The following AMD1 variants were observed in gnomAD, a reference collection of about 807,000 sequenced individuals.
AMD1 encodes S-adenosylmethionine decarboxylase proenzyme.
A neutral mutation model predicts 40.2 loss-of-function variants in AMD1; 11 were observed. The ratio of observed to expected loss-of-function variants is 0.27; its 90% confidence interval spans 0.17 to 0.45. The LOEUF (loss-of-function observed/expected upper bound fraction) is 0.45. AMD1 is among the 20% of genes least tolerant of loss of function. The pLI is 1.00. For missense variants in AMD1, 257 were observed against 410.2 expected, an observed-to-expected ratio of 0.63 and a Z score of 3.23; for synonymous variants, 121 against 130.8, an observed-to-expected ratio of 0.93 and a Z score of 0.51.
At chr6:110,828,259 C>T in the AMD1 span, among the ~76,000 whole-genome samples, 4 of 152,012 alleles carry the variant, frequency 2.6e-5, no homozygotes, top group South Asian at 2.1e-4. Context: ...GGCGAAACCC[C>T]GTCTCTGCTA....
Position 110,875,000 on chromosome 6 carries a change from T to C in AMD1, c.-106T>C, listed in dbSNP as rs1785018857. On this transcript the variant is annotated 5_prime_UTR_variant, in exon 1 of 9. Transcript: ENST00000368885. ...CAAAAAAAAAAAGGAACCTGAACTT[T>C]AGTAACACAGCTGGAACAATCCGCA... is the stretch of plus-strand genomic sequence containing the variant. 2.6e-6 allele frequency: 2 copies of C among 780,934 alleles called. No individual in the cohort carries two copies. The highest frequency in any genetic ancestry group is 5.7e-5 in the East Asian group (2 of 35,086). 48.4% of individuals were successfully genotyped at this position (780,934 alleles called of 1,614,324 possible).
At chr6:110,866,870 A>T in the AMD1 span, among the ~76,000 whole-genome samples, 15 of 151,452 alleles carry the variant, frequency 9.9e-5, no homozygotes, top group African/African-American at 3.6e-4. Flanking sequence ...CTGGAGTGCA[A>T]TGGCGCAATC....
At chr6:110,823,012 G>A in the AMD1 span, among the ~76,000 whole-genome samples, 2 of 152,168 alleles carry the variant, frequency 1.3e-5, no homozygotes, top group Non-Finnish European at 2.9e-5. Context: ...GTACTCAGGA[G>A]GCTGAGGCAG....
At chr6:110,846,690 T>C in the AMD1 span, among the ~76,000 whole-genome samples, 2 of 151,954 alleles carry the variant, frequency 1.3e-5, no homozygotes, top group Non-Finnish European at 2.9e-5. Flanking sequence ...GCCAAAATGG[T>C]GAAAGCTCGT....
chr6:110,824,759 C>T, the AMD1 span, among the ~76,000 whole-genome samples: 1 of 151,902 alleles, frequency 6.6e-6, no homozygotes, highest in Non-Finnish European at 1.5e-5. Flanking sequence ...GGGCAAAGGG[C>T]TTGAGGAAAG....
the AMD1 span, among the ~76,000 whole-genome samples, chr6:110,824,473 G>A: frequency 6.6e-6 from 1 of 152,150 alleles, no homozygotes. Context: ...TGGGTACAAT[G>A]CATACTACTT....
At chr6:110,883,970 T>C (rs1785549978) in intron 1 of AMD1, among the ~76,000 whole-genome samples, 1 of 152,118 alleles carries the variant, frequency 6.6e-6, no homozygotes, top group South Asian at 2.1e-4. Flanking sequence ...GTCAGAGAGA[T>C]TATGGAAGGT....
the AMD1 span, among the ~76,000 whole-genome samples, chr6:110,853,128 T>A: frequency 6.6e-6 from 1 of 151,812 alleles, no homozygotes; most frequent in African/African-American, 2.4e-5. Context: ...TCTTTCTTTT[T>A]TTCTTTTTTT....
At chr6:110,835,625 G>A in the AMD1 span, among the ~76,000 whole-genome samples, 20 of 152,038 alleles carry the variant, frequency 1.3e-4, no homozygotes, top group Admixed American at 1.3e-3. Context: ...CAGCACTTTG[G>A]GAGGCCAAGG....
the AMD1 span, among the ~76,000 whole-genome samples, chr6:110,865,709 T>C: frequency 6.6e-6 from 1 of 150,996 alleles, no homozygotes; most frequent in East Asian, 2.0e-4. Flanking sequence ...TTGCAGATAG[T>C]TTAATTCTAT....
chr6:110,887,486 CTTT>C lies in AMD1; in HGVS notation c.111-15_111-13del. The C allele has an allele frequency of 6.3e-7, 1 of 1,580,366 alleles. No homozygotes were observed. The highest frequency in any genetic ancestry group is 8.6e-7 in the Non-Finnish European group (1 of 1,163,270). On this transcript the variant is annotated splice_polypyrimidine_tract_variant and intron_variant, in intron 1 of 8. Transcript: ENST00000368885. ...GGGTACTATTGTGGATTAATCGTAA[CTTT>C]TTTGTTAAATGATAGATCTGAGTGG...
chr6:110,885,356 A>G (rs1785623270), intron 1 of AMD1, among the ~76,000 whole-genome samples: 1 of 152,130 alleles, frequency 6.6e-6, no homozygotes, highest in South Asian at 2.1e-4. Context: ...CAGGTGATCC[A>G]TGCGCCTCGG....
the AMD1 span, among the ~76,000 whole-genome samples, chr6:110,839,400 G>T: frequency 2.0e-5 from 3 of 152,242 alleles, no homozygotes; most frequent in East Asian, 5.8e-4. Flanking sequence ...ACACGTTTCT[G>T]ACCAAAGGTG....
At position 110,887,548 on chromosome 6, in the gene AMD1, A is replaced by C; in HGVS notation, c.154A>C (p.Ile52Leu). The C allele has an allele frequency of 6.2e-7, 1 of 1,609,570 alleles. No homozygotes were observed. Among genetic ancestry groups the C allele is most frequent in the South Asian group, 1.1e-5 (1 of 90,034 alleles). The change falls in exon 2 of 9, where the codon ATA (isoleucine) becomes CTA (leucine). Residue 52 changes from isoleucine to leucine, a missense_variant. Ile to Leu is a conservative substitution (Grantham distance 5, BLOSUM62 2). This residue lies in a region of AMD1 where 57 missense variants were observed against 76.8 expected (regional missense o/e 0.74). Coordinates refer to ENST00000368885, the MANE Select transcript of AMD1 (RefSeq NM_001634.6). ...TTTGAAGGATGTGCAATGTTCAATC[A>C]TAAGTGTGACAAAAACTGACAAGCA... Reference protein sequence around the residue: ...ILLKDVQCSIISVTKTDKQEA... With the variant: ...ILLKDVQCSILSVTKTDKQEA...
chr6:110,857,749 GTA>G, the AMD1 span, among the ~76,000 whole-genome samples: 37 of 141,440 alleles, frequency 2.6e-4, no homozygotes, highest in African/African-American at 7.1e-4. Flanking sequence ...TATATAGATG[GTA>G]TATATATATA....
intron 1 of AMD1, among the ~76,000 whole-genome samples, chr6:110,886,731 C>T (rs1785707397): frequency 6.6e-6 from 1 of 152,212 alleles, no homozygotes; most frequent in African/African-American, 2.4e-5. Flanking sequence ...TGTGATTGCA[C>T]CACTGCACTT....
chr6:110,840,802 G>T, the AMD1 span, among the ~76,000 whole-genome samples: 1 of 152,018 alleles, frequency 6.6e-6, no homozygotes, highest in African/African-American at 2.4e-5. Flanking sequence ...TGAAAGGAGG[G>T]CAGGAGGGCA....
chr6:110,844,705 C>G, the AMD1 span, among the ~76,000 whole-genome samples: 2 of 151,368 alleles, frequency 1.3e-5, no homozygotes, highest in African/African-American at 4.9e-5. Flanking sequence ...GGCTTGAACC[C>G]GGGAGGCAGA....
the AMD1 span, chr6:110,815,363 C>G: frequency 2.6e-6 from 1 of 386,242 alleles, no homozygotes; most frequent in Non-Finnish European, 4.5e-6. Flanking sequence ...GCGACGGCGG[C>G]GGCGGCTCCC....
Sources: allele counts gnomAD v4.1 joint callset (sites outside exome capture counted in the v4.1 genomes callset), GRCh38; gene constraint gnomAD v4.1.1; regional missense constraint gnomAD v4.1.1; transcripts MANE v1.5; gene names NCBI Gene and HGNC (gene_info 2026-07-23, HGNC 2026-07-21).